Variants in PSMD2 observed in about 807,000 individuals in gnomAD.
PSMD2 encodes the protein 26S proteasome non-ATPase regulatory subunit 2.
Under a neutral mutation model 101.5 loss-of-function variants are expected in PSMD2, and 8 were observed. That is an observed-to-expected ratio of 0.08 (90% confidence interval 0.05 to 0.14). The LOEUF (loss-of-function observed/expected upper bound fraction) is 0.14, where lower values mean the gene tolerates loss of function less well. Ranked by LOEUF, PSMD2 falls within the 10% of genes least tolerant of loss-of-function variation. PSMD2 has a pLI of 1.00. For synonymous variants in PSMD2, 418 were observed against 433.8 expected (o/e 0.96, Z 0.45); for missense variants, 784 against 1,147.4 (o/e 0.68, Z 4.58).
Position 184,307,716 on chromosome 3 carries a change from A to G in PSMD2, c.2298+8A>G, listed in dbSNP as rs566241711. ...ATGGTGCGCTTGGCACAGGTAAAGA[A>G]TAGAACTCCTCCACAGAGCGTGCCG... On this transcript the variant is annotated splice_region_variant and intron_variant, in intron 18 of 20. Transcript: ENST00000310118. The G allele has an allele frequency of 9.3e-6, 15 of 1,613,354 alleles. No homozygotes were observed. Among genetic ancestry groups the G allele is most frequent in the Middle Eastern group, 1.6e-4 (1 of 6,080 alleles).
chr3:184,299,490 C>G (rs1474599088), intron 1 of PSMD2, 89 bp downstream of exon 1: 3 of 1,305,286 alleles, frequency 2.3e-6, no homozygotes, highest in South Asian at 2.2e-5. Context: ...CCCAACTACC[C>G]CACCGCGCCA....
In PSMD2 at chr3:184,304,506, G is replaced by GTA; in HGVS notation, c.1539+115_1539+116insTA. 2 of 1,033,258 alleles carry GTA rather than the reference G, an allele frequency of 1.9e-6. No individual in the cohort carries two copies. The highest frequency in any genetic ancestry group is 3.0e-6 in the Non-Finnish European group (2 of 669,472). The allele number at this position is 1,033,258 out of a possible 1,614,324, so 64.0% of individuals were successfully genotyped here. On this transcript the variant is annotated intron_variant, in intron 12 of 20. Transcript: ENST00000310118. The surrounding 1 kb of genome is among the most constrained non-coding windows in gnomAD (Gnocchi z 4.1). ...TGTGCATGTGTGCATACATGTACAT[G>GTA]CCTGTTGGTGTGTATTGAGGGGCGT...
chr3:184,304,338 G>C lies in PSMD2; in HGVS notation c.1486G>C (p.Asp496His). The stretch of plus-strand genomic sequence containing the variant: ...GGCTTATGCTGGCTCAAATCGTGAA[G>C]ATGTCCTAACACTGCTGCTGCCTGT... ...GLAYAGSNREDVLTLLLPVMG... is the reference protein window; with the variant it reads ...GLAYAGSNREHVLTLLLPVMG... Residue 496 changes from aspartate (D) to histidine (H), a missense_variant, in exon 12 of 21, where the codon GAT becomes CAT. This residue lies in a region of PSMD2 where 282 missense variants were observed against 437.6 expected (regional missense o/e 0.64). Transcript: ENST00000310118. The surrounding 1 kb of genome is among the most constrained non-coding windows in gnomAD (Gnocchi z 4.1). The C allele has an allele frequency of 6.2e-7, 1 of 1,614,220 alleles. No homozygotes were observed. The highest frequency in any genetic ancestry group is 8.5e-7 in the Non-Finnish European group (1 of 1,180,048).
chr3:184,308,365 G>A lies in PSMD2; in HGVS notation c.2426-84G>A. 1 of 1,117,648 alleles carries A rather than the reference G, an allele frequency of 8.9e-7. No homozygotes were observed. Among genetic ancestry groups the A allele is most frequent in the Non-Finnish European group, 1.3e-6 (1 of 770,852 alleles). The allele number at this position is 1,117,648 out of a possible 1,614,324, so 69.2% of individuals were successfully genotyped here. ...AGTCGTATGACTGACGGGTTAAAGG[G>A]TCAGCGCTGAGGTGGGCTCTCAATG... On this transcript the variant is annotated intron_variant, in intron 19 of 20. Coordinates refer to ENST00000310118, the MANE Select transcript of PSMD2 (RefSeq NM_002808.5). The surrounding 1 kb of genome is among the most constrained non-coding windows in gnomAD (Gnocchi z 6.0).
chr3:184,305,129 C>G (rs1021789193), intron 12 of PSMD2, among the ~76,000 whole-genome samples: 2 of 152,090 alleles, frequency 1.3e-5, no homozygotes, highest in African/African-American at 4.8e-5. Flanking sequence ...TCAAATCTTG[C>G]CACCTCTGCT....
rs748886714 is a variant in PSMD2 at position 184,305,806 on chromosome 3, A to G, written c.1578A>G (p.Ala526=). The G allele has an allele frequency of 1.9e-6, 3 of 1,614,034 alleles. No homozygotes were observed. The highest frequency in any genetic ancestry group is 2.5e-6 in the Non-Finnish European group (3 of 1,180,042). The change falls in exon 13 of 21, where the codon GCA becomes GCG. Residue 526 remains alanine (A), a synonymous_variant. Transcript: ENST00000310118. ...GVTALACGMI[A]VGSCNGDVTS... The stretch of plus-strand genomic sequence containing the variant: ...CAGCTTTAGCCTGTGGAATGATAGC[A>G]GTAGGGTCCTGCAATGGAGATGTAA...
At position 184,303,743 on chromosome 3, in the gene PSMD2, C is replaced by T. The variant is rs1721729678; in HGVS notation, c.1317C>T (p.Tyr439=). Reference sequence around the variant, plus strand: ...AGTACCTGTACTCCTCTGAGGACTACATTAAGGTTGGTCTGCATACAGCCT... The same window carrying T: ...AGTACCTGTACTCCTCTGAGGACTATATTAAGGTTGGTCTGCATACAGCCT... ...IDKYLYSSED[Y]IKSGALLACG... Residue 439 remains tyrosine, a synonymous_variant, in exon 10 of 21, where the codon TAC becomes TAT. Coordinates refer to ENST00000310118, the MANE Select transcript of PSMD2 (RefSeq NM_002808.5). 19 of 1,614,032 alleles carry T rather than the reference C, an allele frequency of 1.2e-5. No individual in the cohort carries two copies. Among genetic ancestry groups the T allele is most frequent in the Non-Finnish European group, 1.6e-5 (19 of 1,179,968 alleles).
At position 184,306,397 on chromosome 3, in the gene PSMD2, G is replaced by A. The variant is rs746002545; in HGVS notation, c.1852G>A (p.Glu618Lys). Residue 618 changes from glutamate to lysine, a missense_variant, in exon 15 of 21, where the codon GAA becomes AAA. By Grantham distance (56) the Glu-to-Lys change is moderately conservative. Coordinates refer to ENST00000310118, the MANE Select transcript of PSMD2 (RefSeq NM_002808.5). ...GCAGCAGCTGCTCCACATTTGTAGC[G>A]AACACTTTGACTCCAAAGAGAAGGA... Reference protein sequence around the residue: ...KVQQLLHICSEHFDSKEKEED... With the variant: ...KVQQLLHICSKHFDSKEKEED... 5.6e-6 allele frequency: 9 copies of A among 1,614,020 alleles called. No homozygotes were observed. Among genetic ancestry groups the A allele is most frequent in the African/African-American group, 1.3e-5 (1 of 74,908 alleles).
Position 184,304,634 on chromosome 3 carries a change from C to T in PSMD2, c.1539+243C>T, listed in dbSNP as rs1484678966. On this transcript the variant is annotated intron_variant, in intron 12 of 20. Transcript: ENST00000310118. The surrounding 1 kb of genome is among the most constrained non-coding windows in gnomAD (Gnocchi z 4.1). ...GGCACGGTGGCTCGTGCCTATAATC[C>T]CAGCACTTTGGGAGGCTGCAGTGGG... is the stretch of plus-strand genomic sequence containing the variant. Among the ~76,000 whole-genome samples, 2 of 152,052 alleles carry T rather than the reference C, an allele frequency of 1.3e-5. No individual in the cohort carries two copies. The highest frequency in any genetic ancestry group is 4.8e-5 in the African/African-American group (2 of 41,394).
At chr3:184,299,605 C>G (rs1241255829) in intron 1 of PSMD2, 2 of 768,874 alleles carry the variant, frequency 2.6e-6, no homozygotes, top group East Asian at 5.8e-5. Flanking sequence ...CCAACCCTCA[C>G]CACCGCCGCG....
At position 184,304,481 on chromosome 3, in the gene PSMD2, TGTGC is replaced by T; in HGVS notation, c.1539+91_1539+94del. 1 of 1,262,856 alleles carries T rather than the reference TGTGC, an allele frequency of 7.9e-7. No individual in the cohort carries two copies. The highest frequency in any genetic ancestry group is 1.1e-6 in the Non-Finnish European group (1 of 878,150). The allele number at this position is 1,262,856 out of a possible 1,614,324, so 78.2% of individuals were successfully genotyped here. A position where few individuals can be genotyped will look rare whatever the true frequency, so the allele number is the denominator to read the frequency against. ...ATAAATAATGAAAAAGAAGTAAGTGTGTGCATGTGTGCATACATGTACATGCCTG... is the reference window on the plus strand; with the variant it reads ...ATAAATAATGAAAAAGAAGTAAGTGTATGTGTGCATACATGTACATGCCTG... On this transcript the variant is annotated intron_variant, in intron 12 of 20. Coordinates refer to ENST00000310118, the MANE Select transcript of PSMD2 (RefSeq NM_002808.5). This position sits in a 1 kb window ranked among gnomAD's most constrained non-coding sequence, Gnocchi z 4.1.
At chr3:184,300,603 A>G in intron 3 of PSMD2, 159 bp downstream of exon 3, 1 of 1,418,636 alleles carries the variant, frequency 7.0e-7, no homozygotes, top group South Asian at 1.6e-5. Flanking sequence ...GAAGAGCTGA[A>G]AGGAAGGTCA....
In PSMD2 at chr3:184,303,459, G is replaced by A. The variant is rs1260336333; in HGVS notation, c.1209G>A (p.Lys403=). 1 of 1,613,976 alleles carries A rather than the reference G, an allele frequency of 6.2e-7. No individual in the cohort carries two copies. Among genetic ancestry groups the A allele is most frequent in the African/African-American group, 1.3e-5 (1 of 74,918 alleles). Residue 403 remains lysine, a synonymous_variant, in exon 9 of 21, where the codon AAG becomes AAA. Coordinates refer to ENST00000310118, the MANE Select transcript of PSMD2 (RefSeq NM_002808.5). ...DDGNKWLYKN[K]DHGMLSAAAS... ...GCAACAAATGGCTTTACAAGAACAA[G>A]GACCACGGTATAATTCTGTTCCTGC...
At position 184,308,966 on chromosome 3, in the gene PSMD2, C is replaced by A; in HGVS notation, c.*76C>A. ...ATCCTGCTGCCAAGGGTGGACACGGCTGCAGACTTCTGGGGGAATTGTCGC... is the reference window on the plus strand; with the variant it reads ...ATCCTGCTGCCAAGGGTGGACACGGATGCAGACTTCTGGGGGAATTGTCGC... On this transcript the variant is annotated 3_prime_UTR_variant, in exon 21 of 21. Transcript: ENST00000310118. The surrounding 1 kb of genome is among the most constrained non-coding windows in gnomAD (Gnocchi z 6.0). The A allele has an allele frequency of 1.0e-5, 15 of 1,436,474 alleles. No homozygotes were observed. Among genetic ancestry groups the A allele is most frequent in the Non-Finnish European group, 1.4e-5 (15 of 1,049,870 alleles). The allele number at this position is 1,436,474 out of a possible 1,614,324, so 89.0% of individuals were successfully genotyped here.
At chr3:184,305,139 T>A (rs1240710246) in intron 12 of PSMD2, among the ~76,000 whole-genome samples, 2 of 152,164 alleles carry the variant, frequency 1.3e-5, no homozygotes, top group Non-Finnish European at 2.9e-5. Flanking sequence ...CCACCTCTGC[T>A]TATAAGCAGT....
chr3:184,302,999 C>T lies in PSMD2; in HGVS notation c.1009-3C>T. The T allele has an allele frequency of 4.3e-6, 7 of 1,614,110 alleles. No individual in the cohort carries two copies. Among genetic ancestry groups the T allele is most frequent in the Non-Finnish European group, 5.9e-6 (7 of 1,180,030 alleles). Reference sequence around the variant, plus strand: ...CAATTGTGACCCTCTGACTTCTCTTCAGCTGGACATCATGGAGCCCAAGGT... The same window carrying T: ...CAATTGTGACCCTCTGACTTCTCTTTAGCTGGACATCATGGAGCCCAAGGT... On this transcript the variant is annotated splice_region_variant and splice_polypyrimidine_tract_variant and intron_variant, in intron 7 of 20. Transcript: ENST00000310118.
Position 184,304,283 on chromosome 3 carries a change from G to T in PSMD2, c.1452-21G>T. ...CATCGTTGGGTATGTGTTGGGGACC[G>T]CCTTTCCATGGCTTTTGCAGGCTAG... On this transcript the variant is annotated intron_variant, in intron 11 of 20. Coordinates refer to ENST00000310118, the MANE Select transcript of PSMD2 (RefSeq NM_002808.5). This position sits in a 1 kb window ranked among gnomAD's most constrained non-coding sequence, Gnocchi z 4.1. The T allele has an allele frequency of 6.2e-7, 1 of 1,612,654 alleles. No individual in the cohort carries two copies. The highest frequency in any genetic ancestry group is 8.5e-7 in the Non-Finnish European group (1 of 1,178,646).
In PSMD2 at chr3:184,308,159, A is replaced by G; in HGVS notation, c.2425+143A>G. On this transcript the variant is annotated intron_variant, in intron 19 of 20. Transcript: ENST00000310118. This position sits in a 1 kb window ranked among gnomAD's most constrained non-coding sequence, Gnocchi z 6.0. ...TTCTGAGACAGGCTTTGGGCCTGTG[A>G]CATGAGACTTTCATCACCCACACTT... 2 of 1,134,770 alleles carry G rather than the reference A, an allele frequency of 1.8e-6. No homozygotes were observed. The highest frequency in any genetic ancestry group is 2.5e-6 in the Non-Finnish European group (2 of 814,694). 70.3% of individuals were successfully genotyped at this position (1,134,770 alleles called of 1,614,324 possible). A position where few individuals can be genotyped will look rare whatever the true frequency, so the allele number is the denominator to read the frequency against.
In PSMD2 at chr3:184,305,827, T is replaced by A; in HGVS notation, c.1599T>A (p.Asp533Glu). The A allele has an allele frequency of 1.2e-6, 2 of 1,614,206 alleles. No individual in the cohort carries two copies. The highest frequency in any genetic ancestry group is 1.7e-6 in the Non-Finnish European group (2 of 1,180,040). Reference protein sequence around the residue: ...GMIAVGSCNGDVTSTILQTIM... With the variant: ...GMIAVGSCNGEVTSTILQTIM... ...TAGCAGTAGGGTCCTGCAATGGAGATGTAACTTCCACTATCCTTCAGACCA... is the reference window on the plus strand; with the variant it reads ...TAGCAGTAGGGTCCTGCAATGGAGAAGTAACTTCCACTATCCTTCAGACCA... Residue 533 changes from aspartate to glutamate, a missense_variant, in exon 13 of 21, where the codon GAT becomes GAA. By Grantham distance (45) the Asp-to-Glu change is conservative. This residue lies in a region of PSMD2 where 282 missense variants were observed against 437.6 expected (regional missense o/e 0.64). Coordinates refer to ENST00000310118, the MANE Select transcript of PSMD2 (RefSeq NM_002808.5).
Sources: gnomAD v4.1 joint callset for allele counts (sites outside exome capture counted in the v4.1 genomes callset) on GRCh38, gnomAD v4.1.1 for gene constraint, gnomAD v4.1.1 regional missense constraint, Gnocchi (gnomAD v3.1) non-coding constraint, MANE v1.5 for transcripts, NCBI Gene and HGNC (gene_info 2026-07-23, HGNC 2026-07-21) for gene names.